The following GRM8 variants were observed in gnomAD, a reference collection of about 807,000 sequenced individuals.
GRM8 encodes glutamate metabotropic receptor 8, also known as metabotropic glutamate receptor 8.
GRM8 carries 47 observed loss-of-function variants against 87.2 expected under a neutral mutation model. The observed-to-expected ratio is 0.54, with a 90% confidence interval of 0.43 to 0.69. The LOEUF (loss-of-function observed/expected upper bound fraction) is 0.69. Ranked by LOEUF, GRM8 falls within the 30% of genes least tolerant of loss-of-function variation. The probability of loss-of-function intolerance (pLI) is 0.00; values close to 1 mark genes in which losing one functional copy is unlikely to be tolerated. For synonymous variants in GRM8, 396 were observed against 404.5 expected (o/e 0.98, Z 0.25); for missense variants, 1,019 against 1,139.2 (o/e 0.89, Z 1.52).
intron 2 of GRM8, among the ~76,000 whole-genome samples, chr7:127,147,035 G>A (rs933682599): frequency 5.9e-5 from 9 of 152,118 alleles, no homozygotes; most frequent in Admixed American, 2.0e-4. Context: ...GCATCTCTCC[G>A]TAAGTTAGAT....
At chr7:127,040,809 G>A (rs17866406) in intron 3 of GRM8, among the ~76,000 whole-genome samples, 142 of 152,302 alleles carry the variant, frequency 9.3e-4, no homozygotes, top group African/African-American at 3.3e-3. Flanking sequence ...TCCTTTGGAT[G>A]GGGAATCAAA....
chr7:126,525,500 T>A (rs1409085072), intron 9 of GRM8, among the ~76,000 whole-genome samples: 1 of 152,216 alleles, frequency 6.6e-6, no homozygotes, highest in Non-Finnish European at 1.5e-5. Context: ...CCATATCTCC[T>A]GAAATGCAGT....
Position 126,769,984 on chromosome 7 carries a change from GCC to G in GRM8, c.1236_1237del (p.Met412IlefsTer26). The G allele has an allele frequency of 6.2e-7, 1 of 1,612,104 alleles. No individual in the cohort carries two copies. ...TTTGTGCATATTGTGCAGGGCGTAAGCCATGGAATATACAGCATCAATTACAA... is the reference window on the plus strand; with the variant it reads ...TTTGTGCATATTGTGCAGGGCGTAAGATGGAATATACAGCATCAATTACAA... On this transcript the variant is annotated frameshift_variant, in exon 7 of 11. Coordinates refer to ENST00000339582, the MANE Select transcript of GRM8 (RefSeq NM_000845.3). LOFTEE classifies it high-confidence loss of function.
At chr7:127,132,025 G>GA (rs952535385) in intron 2 of GRM8, among the ~76,000 whole-genome samples, 4 of 152,100 alleles carry the variant, frequency 2.6e-5, no homozygotes, top group South Asian at 2.1e-4. Flanking sequence ...CAGTCTTAAG[G>GA]AAAAAAATAA....
intron 6 of GRM8, among the ~76,000 whole-genome samples, chr7:126,863,757 TCTC>T (rs1286484981): frequency 9.2e-5 from 14 of 152,138 alleles, no homozygotes; most frequent in African/African-American, 3.4e-4. Flanking sequence ...GGTGTTAACA[TCTC>T]CTATTTGGAT....
chr7:126,518,965 G>A (rs1165223640), intron 9 of GRM8, among the ~76,000 whole-genome samples: 1 of 151,984 alleles, frequency 6.6e-6, no homozygotes, highest in African/African-American at 2.4e-5. Context: ...TGTCTACCAG[G>A]CCAATCATTT....
At chr7:127,107,038 T>A (rs977036888) in intron 2 of GRM8, among the ~76,000 whole-genome samples, 1 of 152,168 alleles carries the variant, frequency 6.6e-6, no homozygotes, top group Non-Finnish European at 1.5e-5. Context: ...CTGTACATGA[T>A]AAGCTCTGGT....
chr7:127,122,498 A>C (rs1469092497), intron 2 of GRM8, among the ~76,000 whole-genome samples: 1 of 152,006 alleles, frequency 6.6e-6, no homozygotes, highest in Non-Finnish European at 1.5e-5. Context: ...AAGAAAAAAC[A>C]GGAAAACCTC....
intron 6 of GRM8, among the ~76,000 whole-genome samples, chr7:126,823,611 G>A (rs1794498873): frequency 6.6e-6 from 1 of 152,082 alleles, no homozygotes; most frequent in Non-Finnish European, 1.5e-5. Flanking sequence ...TACATATCTG[G>A]TTTAGCCAAT....
intron 7 of GRM8, among the ~76,000 whole-genome samples, chr7:126,731,664 A>G (rs1813593583): frequency 6.6e-6 from 1 of 152,098 alleles, no homozygotes; most frequent in African/African-American, 2.4e-5. Flanking sequence ...ATAAGTCAAT[A>G]TTTAGATTAG....
intron 7 of GRM8, among the ~76,000 whole-genome samples, chr7:126,690,298 G>A (rs984706543): frequency 2.0e-5 from 3 of 152,218 alleles, no homozygotes; most frequent in African/African-American, 7.2e-5. Context: ...AGTGGTGAGG[G>A]GTATGTGAGC....
At chr7:126,580,260 A>G (rs1388796757) in intron 8 of GRM8, among the ~76,000 whole-genome samples, 1 of 152,084 alleles carries the variant, frequency 6.6e-6, no homozygotes, top group East Asian at 1.9e-4. Context: ...CCAAACTCCA[A>G]AATTTTCTTT....
chr7:126,981,787 T>C (rs2131861600), intron 3 of GRM8: 1 of 152,264 alleles, frequency 6.6e-6, no homozygotes, highest in East Asian at 1.9e-4. Flanking sequence ...AAAGAAGCTG[T>C]CCCCACCATT....
intron 3 of GRM8, among the ~76,000 whole-genome samples, chr7:126,975,086 A>G (rs1810853474): frequency 6.6e-6 from 1 of 152,158 alleles, no homozygotes; most frequent in Admixed American, 6.5e-5. Flanking sequence ...ACCCAATATC[A>G]TAATCAACCA....
chr7:126,926,791 C>T (rs986911372), intron 3 of GRM8, among the ~76,000 whole-genome samples: 2 of 152,172 alleles, frequency 1.3e-5, no homozygotes, highest in African/African-American at 4.8e-5. Flanking sequence ...TTTCAAGGGT[C>T]CACTCCTCCA....
At chr7:127,220,445 CA>C (rs1437196836) in intron 2 of GRM8, among the ~76,000 whole-genome samples, 21 of 152,100 alleles carry the variant, frequency 1.4e-4, no homozygotes, top group Non-Finnish European at 2.4e-4. Flanking sequence ...TGACAGAATA[CA>C]AAAAGCTGAA....
chr7:126,505,265 A>G (rs189042596), intron 9 of GRM8, among the ~76,000 whole-genome samples: 3 of 152,180 alleles, frequency 2.0e-5, no homozygotes, highest in Admixed American at 2.0e-4. Context: ...AAATCTAACC[A>G]CTAATTAACA....
chr7:126,539,707 T>A (rs901069909), intron 8 of GRM8, among the ~76,000 whole-genome samples: 1 of 150,948 alleles, frequency 6.6e-6, no homozygotes, highest in African/African-American at 2.5e-5. Context: ...AATAAAGAAT[T>A]TTTTTTTTCA....
intron 7 of GRM8, among the ~76,000 whole-genome samples, chr7:126,694,922 T>C (rs931189288): frequency 6.6e-6 from 1 of 152,182 alleles, no homozygotes; most frequent in African/African-American, 2.4e-5. Context: ...AACATGTATC[T>C]GGGGGTCTGA....
Sources: gnomAD v4.1 joint callset for allele counts (sites outside exome capture counted in the v4.1 genomes callset) on GRCh38, gnomAD v4.1.1 for gene constraint, MANE v1.5 for transcripts, NCBI Gene and HGNC (gene_info 2026-07-23, HGNC 2026-07-21) for gene names.